Variants in DCDC1 observed in about 807,000 individuals in gnomAD.
The protein encoded by DCDC1 is doublecortin domain containing 1.
A neutral mutation model predicts 178.3 loss-of-function variants in DCDC1; 200 were observed. That is an observed-to-expected ratio of 1.12 (90% confidence interval 1.00 to 1.26). DCDC1 has a LOEUF of 1.26. DCDC1 is among the 50% of genes most tolerant of loss of function. The pLI, the probability that DCDC1 is intolerant of heterozygous loss-of-function variation, is 0.00. For synonymous variants in DCDC1, 690 were observed against 604.8 expected (o/e 1.14, Z -2.07); for missense variants, 1,983 against 1,749.2 (o/e 1.13, Z -2.38).
Position 30,864,401 on chromosome 11 carries a change from C to T in DCDC1, c.*972G>A, listed in dbSNP as rs553551657. ...GACATTTCTTTCATTTGCACAATTT[C>T]GAGAAGTGTTTCTTTCCTCTGAAAA... is the stretch of plus-strand genomic sequence containing the variant. On this transcript the variant is annotated 3_prime_UTR_variant, in exon 39 of 39. Coordinates refer to ENST00000684477, the MANE Select transcript of DCDC1 (RefSeq NM_001387274.1). The T allele has an allele frequency of 3.5e-4, 53 of 152,336 alleles. No homozygotes were observed. The highest frequency in any genetic ancestry group is 1.2e-3 in the African/African-American group (49 of 41,572). The allele number at this position is 152,336 out of a possible 1,614,324, so 9.4% of individuals were successfully genotyped here. A position where few individuals can be genotyped will look rare whatever the true frequency, so the allele number is the denominator to read the frequency against.
rs190765948 is a variant in DCDC1 at position 31,263,169 on chromosome 11, T to C, written c.1054+2338A>G. ...TCATCTTAACGAAGATCCCTTATAG[T>C]TTCAATTCTAGCAGTTCATTCAAAT... On this transcript the variant is annotated intron_variant, in intron 8 of 38. Transcript: ENST00000684477. 2.6e-4 allele frequency: 332 copies of C among 1,273,682 alleles called. 4 individuals carry two copies. In the East Asian group the frequency reaches 5.9e-3, roughly 23 times the overall value. 78.9% of individuals were successfully genotyped at this position (1,273,682 alleles called of 1,614,324 possible). A position where few individuals can be genotyped will look rare whatever the true frequency, so the allele number is the denominator to read the frequency against.
chr11:30,883,903 C>T (rs1369035150), intron 36 of DCDC1, among the ~76,000 whole-genome samples: 2 of 151,620 alleles, frequency 1.3e-5, no homozygotes, highest in African/African-American at 2.4e-5. Context: ...GAACATGATA[C>T]GCCTGCTACA....
At chr11:31,114,670 AG>A (rs1298022734) in intron 11 of DCDC1, among the ~76,000 whole-genome samples, 10 of 152,314 alleles carry the variant, frequency 6.6e-5, no homozygotes. Context: ...ACTGTAAGGA[AG>A]CTACTGTGAC....
intron 2 of DCDC1, among the ~76,000 whole-genome samples, chr11:31,328,584 G>T (rs1429653166): frequency 6.6e-6 from 1 of 152,046 alleles, no homozygotes; most frequent in African/African-American, 2.4e-5. Context: ...GGATCACAAG[G>T]TCAGGAGATA....
intron 38 of DCDC1, among the ~76,000 whole-genome samples, chr11:30,873,179 C>T (rs1486366427): frequency 6.6e-6 from 1 of 150,828 alleles, no homozygotes; most frequent in East Asian, 1.9e-4. Context: ...GTTAGCTGGG[C>T]TAGCTTAGAG....
intron 6 of DCDC1, 112 bp downstream of exon 6, chr11:31,305,503 C>T: frequency 7.3e-7 from 1 of 1,371,818 alleles, no homozygotes; most frequent in Admixed American, 2.3e-5. Flanking sequence ...AATGCGTAAA[C>T]ATTAGTTTTG....
At chr11:31,006,851 T>C (rs1482460011) in intron 20 of DCDC1, among the ~76,000 whole-genome samples, 2 of 152,242 alleles carry the variant, frequency 1.3e-5, no homozygotes, top group Admixed American at 6.5e-5. Context: ...AATTATCTTA[T>C]ACCACTTGAT....
At chr11:31,329,317 C>A (rs761130208) in intron 2 of DCDC1, among the ~76,000 whole-genome samples, 3 of 152,116 alleles carry the variant, frequency 2.0e-5, no homozygotes, top group South Asian at 2.1e-4. Flanking sequence ...TTTAAAAAAA[C>A]CACCTCTTTA....
intron 20 of DCDC1, among the ~76,000 whole-genome samples, chr11:31,050,467 C>T (rs2135407192): frequency 6.6e-6 from 1 of 152,300 alleles, no homozygotes; most frequent in South Asian, 2.1e-4. Flanking sequence ...GTTCTAGGGT[C>T]CCACCCATCG....
At chr11:30,975,431 G>T (rs976954463) in intron 20 of DCDC1, among the ~76,000 whole-genome samples, 2 of 151,822 alleles carry the variant, frequency 1.3e-5, no homozygotes, top group African/African-American at 4.8e-5. Flanking sequence ...ATGTCAAACT[G>T]TCCCTCTTTG....
intron 10 of DCDC1, among the ~76,000 whole-genome samples, chr11:31,134,036 A>G (rs1447376422): frequency 2.6e-5 from 4 of 152,096 alleles, no homozygotes; most frequent in Non-Finnish European, 4.4e-5. Context: ...GCTTCCTAGA[A>G]CCCTTCTGAG....
At chr11:30,895,931 T>C (rs553796494) in intron 34 of DCDC1, among the ~76,000 whole-genome samples, 73 of 152,354 alleles carry the variant, frequency 4.8e-4, no homozygotes, top group Non-Finnish European at 8.2e-4. Context: ...ACTAAAATTT[T>C]GCTCAACTAC....
rs1264400552 is a variant in DCDC1, at chr11:31,182,008, T to C, written c.1222-44224A>G. Among the ~76,000 whole-genome samples, 3 of 151,982 alleles carry C rather than the reference T, an allele frequency of 2.0e-5. No homozygotes were observed. In the East Asian group the frequency reaches 5.8e-4, roughly 29 times the overall value. On this transcript the variant is annotated intron_variant, in intron 9 of 38. Transcript: ENST00000684477. ...AGGATATGAGACATTGAAGATCAAC[T>C]TAATGAAATAAAGTGTGAAAACAAC...
At chr11:31,120,503 C>T (rs1000592229) in intron 11 of DCDC1, among the ~76,000 whole-genome samples, 5 of 152,112 alleles carry the variant, frequency 3.3e-5, no homozygotes, top group South Asian at 2.1e-4. Context: ...TTGCGATTTA[C>T]TTTCTCATTC....
intron 28 of DCDC1, 93 bp downstream of exon 28, chr11:30,911,234 A>G: frequency 2.1e-6 from 2 of 938,332 alleles, no homozygotes; most frequent in Non-Finnish European, 3.2e-6. Flanking sequence ...ATTCTATGAC[A>G]GTTTTTTTTT....
chr11:31,364,409 T>C (rs1356596220), intron 1 of DCDC1, among the ~76,000 whole-genome samples: 1 of 152,198 alleles, frequency 6.6e-6, no homozygotes, highest in East Asian at 1.9e-4. Context: ...TTTGTATGAC[T>C]ATTAAAGATA....
chr11:30,980,347 C>G (rs1196132275), intron 20 of DCDC1, among the ~76,000 whole-genome samples: 1 of 152,202 alleles, frequency 6.6e-6, no homozygotes, highest in Non-Finnish European at 1.5e-5. Flanking sequence ...CTTCTTTTCA[C>G]TTCTAGACCA....
At chr11:31,213,730 C>T (rs1297391567) in intron 9 of DCDC1, among the ~76,000 whole-genome samples, 1 of 140,270 alleles carries the variant, frequency 7.1e-6, no homozygotes, top group Non-Finnish European at 1.6e-5. Context: ...AAAAAAAAAA[C>T]AAAAAAAAAA....
chr11:31,111,788 A>G (rs946536931), intron 11 of DCDC1, among the ~76,000 whole-genome samples: 1 of 152,172 alleles, frequency 6.6e-6, no homozygotes, highest in African/African-American at 2.4e-5. Flanking sequence ...AGTGTTGACA[A>G]AAGCTCAGTT....
Sources: gnomAD v4.1 joint callset for allele counts (sites outside exome capture counted in the v4.1 genomes callset) on GRCh38, gnomAD v4.1.1 for gene constraint, MANE v1.5 for transcripts, NCBI Gene and HGNC (gene_info 2026-07-23, HGNC 2026-07-21) for gene names.